The following CEP97 variants were observed in gnomAD, a reference collection of about 807,000 sequenced individuals.
The protein encoded by CEP97 is centrosomal protein 97.
CEP97 carries 43 observed loss-of-function variants against 73.1 expected under a neutral mutation model. The observed-to-expected ratio is 0.59, with a 90% CI of 0.46 to 0.76. The LOEUF is 0.76. CEP97 is among the 30% of genes least tolerant of loss of function. The pLI is 0.00. For synonymous variants in CEP97, 337 were observed against 370.0 expected, an observed-to-expected ratio of 0.91 and a Z score of 1.02; for missense variants, 939 against 1,014.0, an observed-to-expected ratio of 0.93 and a Z score of 1.00.
At chr3:101,727,825 T>C (rs563539316) in intron 3 of CEP97, among the ~76,000 whole-genome samples, 1 of 152,316 alleles carries the variant, frequency 6.6e-6, no homozygotes, top group African/African-American at 2.4e-5. Flanking sequence ...TAAGTAAATG[T>C]TTAATGCTAT....
rs1024966245 is a variant in CEP97 at position 101,727,435 on chromosome 3, C to T, written c.239C>T (p.Thr80Met). The change falls in exon 3 of 11, where the codon ACG becomes ATG. Residue 80 changes from threonine to methionine, a missense_variant. Transcript: ENST00000341893. ...LVRMMGVAKL[T>M]LLRVLNLPHN... Reference sequence around the variant, plus strand: ...CGGATGATGGGTGTGGCCAAGCTGACGTTGCTTCGTGTATTAAATTTGCCT... The same window carrying T: ...CGGATGATGGGTGTGGCCAAGCTGATGTTGCTTCGTGTATTAAATTTGCCT... The T allele has an allele frequency of 4.3e-6, 7 of 1,613,716 alleles. No homozygotes were observed. Among genetic ancestry groups the T allele is most frequent in the East Asian group, 2.2e-5 (1 of 44,884 alleles).
At chr3:101,755,391 C>CT in intron 6 of CEP97, 39 bp from the exon 7 acceptor site, 1 of 1,585,860 alleles carries the variant, frequency 6.3e-7, no homozygotes, top group South Asian at 1.1e-5. Context: ...GTTGACTATT[C>CT]TCATGCCATC....
At chr3:101,743,288 G>T (rs376067266) in intron 6 of CEP97, among the ~76,000 whole-genome samples, 2 of 151,356 alleles carry the variant, frequency 1.3e-5, no homozygotes, top group African/African-American at 4.9e-5. Context: ...CCCTCTGGTC[G>T]TAACTCCCCT....
intron 6 of CEP97, among the ~76,000 whole-genome samples, chr3:101,734,347 C>T (rs981151316): frequency 2.6e-5 from 4 of 152,174 alleles, no homozygotes; most frequent in Non-Finnish European, 5.9e-5. Flanking sequence ...TGACTTTATT[C>T]TGTCTACTAT....
chr3:101,753,944 G>A (rs1576694858), intron 6 of CEP97, among the ~76,000 whole-genome samples: 1 of 152,016 alleles, frequency 6.6e-6, no homozygotes. Flanking sequence ...CTCCCTAGTG[G>A]GATGAACCCG....
rs149230588 is a variant in CEP97 at position 101,766,773 on chromosome 3, A to G, written c.*1222A>G. 184 of 152,380 alleles carry G rather than the reference A, an allele frequency of 1.2e-3. No individual in the cohort carries two copies. Among genetic ancestry groups the G allele is most frequent in the African/African-American group, 4.2e-3 (175 of 41,570 alleles). 9.4% of individuals were successfully genotyped at this position (152,380 alleles called of 1,614,324 possible). A position where few individuals can be genotyped will look rare whatever the true frequency, so the allele number is the denominator to read the frequency against. Reference sequence around the variant, plus strand: ...ATTTGGTTTCCCTCAACTTACAGACATACAGCTATTTAAAACTATGGCAAT... The same window carrying G: ...ATTTGGTTTCCCTCAACTTACAGACGTACAGCTATTTAAAACTATGGCAAT... On this transcript the variant is annotated 3_prime_UTR_variant, in exon 11 of 11. Transcript: ENST00000341893.
chr3:101,730,305 G>A (rs1455383344), intron 4 of CEP97, among the ~76,000 whole-genome samples: 2 of 151,398 alleles, frequency 1.3e-5, no homozygotes, highest in Non-Finnish European at 2.9e-5. Context: ...TTGCTCTGTT[G>A]CCCAGGCTGG....
At chr3:101,750,972 T>C (rs1560016701) in intron 6 of CEP97, among the ~76,000 whole-genome samples, 1 of 152,172 alleles carries the variant, frequency 6.6e-6, no homozygotes, top group Admixed American at 6.5e-5. Context: ...ATGTGTTTGC[T>C]CTTGCTTTTC....
chr3:101,743,808 G>C (rs529764354), intron 6 of CEP97, among the ~76,000 whole-genome samples: 1 of 152,084 alleles, frequency 6.6e-6, no homozygotes, highest in African/African-American at 2.4e-5. Context: ...TTTGAGACCA[G>C]CCTGACCAAT....
intron 6 of CEP97, among the ~76,000 whole-genome samples, chr3:101,743,959 G>A (rs944250912): frequency 9.3e-5 from 14 of 149,906 alleles, no homozygotes; most frequent in East Asian, 4.0e-4. Flanking sequence ...AGCTGAGATC[G>A]TGCCATTGAA....
At chr3:101,741,121 A>G (rs1938439754) in intron 6 of CEP97, among the ~76,000 whole-genome samples, 2 of 152,182 alleles carry the variant, frequency 1.3e-5, no homozygotes, top group African/African-American at 2.4e-5. Context: ...ATAACACCAC[A>G]CATCTACAAC....
At position 101,758,082 on chromosome 3, in the gene CEP97, T is replaced by C. The variant is rs139481344; in HGVS notation, c.1476T>C (p.Ala492=). ...LPCPEPTIIS[A]ILKDDNHSLT... is the part of the protein sequence containing the mutation. ...GTCCTGAGCCAACAATAATCAGTGCTATCTTGAAGGATGATAACCACAGTC... is the reference window on the plus strand; with the variant it reads ...GTCCTGAGCCAACAATAATCAGTGCCATCTTGAAGGATGATAACCACAGTC... Residue 492 remains alanine, a synonymous_variant, in exon 9 of 11, where the codon GCT becomes GCC. Coordinates refer to ENST00000341893, the MANE Select transcript of CEP97 (RefSeq NM_024548.4). The C allele has an allele frequency of 4.4e-5, 71 of 1,614,114 alleles. No individual in the cohort carries two copies. Among genetic ancestry groups the C allele is most frequent in the Non-Finnish European group, 5.7e-5 (67 of 1,180,046 alleles).
intron 6 of CEP97, among the ~76,000 whole-genome samples, chr3:101,740,562 G>C (rs1190219237): frequency 6.6e-6 from 1 of 152,034 alleles, no homozygotes; most frequent in Non-Finnish European, 1.5e-5. Flanking sequence ...TATAGATTCA[G>C]TGCTATCCTC....
intron 6 of CEP97, among the ~76,000 whole-genome samples, chr3:101,738,924 G>GTT (rs1938362334): frequency 6.6e-6 from 1 of 152,042 alleles, no homozygotes; most frequent in Non-Finnish European, 1.5e-5. Context: ...CAACAAAATA[G>GTT]ACTGCTAACC....
At position 101,757,118 on chromosome 3, in the gene CEP97, G is replaced by A; in HGVS notation, c.949G>A (p.Val317Ile). 1.2e-6 allele frequency: 2 copies of A among 1,613,486 alleles called. No homozygotes were observed. The highest frequency in any genetic ancestry group is 1.7e-6 in the Non-Finnish European group (2 of 1,179,800). ...QSQNEELSPLVPVETRASLIP... is the reference protein window; with the variant it reads ...QSQNEELSPLIPVETRASLIP... ...CCAAAATGAAGAGTTGTCTCCTCTT[G>A]TTCCTGTTGAAACAAGGGCATCCCT... The change falls in exon 8 of 11, where the codon GTT becomes ATT. Residue 317 changes from valine (V) to isoleucine (I), a missense_variant. Val to Ile is a conservative substitution (Grantham distance 29). Transcript: ENST00000341893.
Position 101,765,276 on chromosome 3 carries a change from T to C in CEP97, c.2323T>C (p.Tyr775His). 6.2e-7 allele frequency: 1 copy of C among 1,614,176 alleles called. No homozygotes were observed. The highest frequency in any genetic ancestry group is 8.5e-7 in the Non-Finnish European group (1 of 1,180,032). Residue 775 changes from tyrosine to histidine, a missense_variant, in exon 11 of 11, where the codon TAT (tyrosine) becomes CAT (histidine). Coordinates refer to ENST00000341893, the MANE Select transcript of CEP97 (RefSeq NM_024548.4). The stretch of plus-strand genomic sequence containing the variant: ...GCAGGACAATAGTCTGCTTGAACAG[T>C]ATTTAACTTCAGTTCAACAGCTGGA... ...NEQDNSLLEQYLTSVQQLEDA... is the reference protein window; with the variant it reads ...NEQDNSLLEQHLTSVQQLEDA...
At chr3:101,727,733 A>G (rs1937947498) in intron 3 of CEP97, among the ~76,000 whole-genome samples, 192 bp downstream of exon 3, 1 of 152,250 alleles carries the variant, frequency 6.6e-6, no homozygotes, top group South Asian at 2.1e-4. Context: ...ATTTGAACAA[A>G]GAATCTATAT....
intron 6 of CEP97, among the ~76,000 whole-genome samples, chr3:101,750,736 T>C (rs1300518363): frequency 6.6e-6 from 1 of 152,230 alleles, no homozygotes; most frequent in Non-Finnish European, 1.5e-5. Flanking sequence ...GTAGTTTGTA[T>C]TTCTGTAGGA....
At chr3:101,753,899 C>A (rs1166657187) in intron 6 of CEP97, among the ~76,000 whole-genome samples, 1 of 152,192 alleles carries the variant, frequency 6.6e-6, no homozygotes, top group Non-Finnish European at 1.5e-5. Flanking sequence ...GCGCACGGTG[C>A]GCTGCACCCA....
Sources: allele counts gnomAD v4.1 joint callset (sites outside exome capture counted in the v4.1 genomes callset), GRCh38; gene constraint gnomAD v4.1.1; transcripts MANE v1.5; gene names NCBI Gene and HGNC (gene_info 2026-07-23, HGNC 2026-07-21).